Variants in ATRN observed in about 807,000 individuals in gnomAD.
The protein encoded by ATRN is attractin-2.
In ATRN, 54 loss-of-function variants were observed where a neutral mutation model predicts 178.7. The ratio of observed to expected loss-of-function variants is 0.30; its 90% CI spans 0.24 to 0.38. ATRN has a LOEUF of 0.38. ATRN is among the 10% of genes least tolerant of loss of function. ATRN has a pLI of 1.00. For synonymous variants in ATRN, 636 were observed against 663.0 expected (o/e 0.96, Z 0.63); for missense variants, 1,443 against 1,815.1 (o/e 0.79, Z 3.73).
chr20:3,631,869 T>G (rs2086992010), intron 25 of ATRN, among the ~76,000 whole-genome samples: 1 of 152,226 alleles, frequency 6.6e-6, no homozygotes, highest in Admixed American at 6.5e-5. Context: ...ATCAGGATTA[T>G]GCGTGGAAGC....
chr20:3,634,280 G>A (rs373353357), intron 25 of ATRN, 31 bp from the exon 26 acceptor site: 57 of 1,603,836 alleles, frequency 3.6e-5, no homozygotes, highest in Non-Finnish European at 4.5e-5. Flanking sequence ...TGGGGGCTGG[G>A]ATAATAACTC....
At position 3,547,485 on chromosome 20, in the gene ATRN, G is replaced by A. The variant is rs1215760424; in HGVS notation, c.939G>A (p.Trp313Ter). Residue 313 changes from tryptophan (W) to a stop codon, truncating the protein, a stop_gained, in exon 5 of 29, where the codon TGG becomes TGA. Transcript: ENST00000262919. LOFTEE classifies it high-confidence loss of function. ...DVRGCSCFSDWQGPGCSVPVP... is the reference protein window; with the variant it reads ...DVRGCSCFSD ...GAGGATGCTCCTGCTTCTCAGACTG[G>A]CAGGGTAGGAGCTTCTTTCATTTTT... 1 of 1,612,306 alleles carries A rather than the reference G, an allele frequency of 6.2e-7. No individual in the cohort carries two copies. Among genetic ancestry groups the A allele is most frequent in the African/African-American group, 1.3e-5 (1 of 74,884 alleles).
chr20:3,593,385 T>C (rs906650213), intron 19 of ATRN, among the ~76,000 whole-genome samples: 17 of 152,318 alleles, frequency 1.1e-4, no homozygotes, highest in African/African-American at 4.1e-4. Context: ...CTTGAATGCT[T>C]ACTGTGTTTG....
chr20:3,550,953 C>T (rs1044385142), intron 6 of ATRN, among the ~76,000 whole-genome samples: 2 of 152,162 alleles, frequency 1.3e-5, no homozygotes, highest in African/African-American at 4.8e-5. Flanking sequence ...TAACTGCAGC[C>T]CCTCCATAAT....
intron 1 of ATRN, among the ~76,000 whole-genome samples, chr20:3,530,199 G>A (rs2085432284): frequency 6.7e-6 from 1 of 148,586 alleles, no homozygotes; most frequent in Admixed American, 6.7e-5. Context: ...GTGTGGTAGA[G>A]CAGGCATGGT....
chr20:3,562,816 A>G (rs1008108920), intron 9 of ATRN, among the ~76,000 whole-genome samples: 1 of 152,170 alleles, frequency 6.6e-6, no homozygotes, highest in Non-Finnish European at 1.5e-5. Flanking sequence ...AAAAATAATC[A>G]TTTTTAGTAG....
rs777029184 is a variant in ATRN at position 3,560,706 on chromosome 20, T to C, written c.1248T>C (p.Asn416=). The stretch of plus-strand genomic sequence containing the variant: ...GAGGAAAAATTGATTCAACTGGGAA[T>C]GTGACCAATGAGTTGAGAGTTTTTC... ...MYGGKIDSTG[N]VTNELRVFHI... The change falls in exon 8 of 29, where the codon AAT becomes AAC. Residue 416 remains asparagine, a synonymous_variant. Coordinates refer to ENST00000262919, the MANE Select transcript of ATRN (RefSeq NM_139321.3). 1 of 1,613,598 alleles carries C rather than the reference T, an allele frequency of 6.2e-7. No homozygotes were observed. Among genetic ancestry groups the C allele is most frequent in the East Asian group, 2.2e-5 (1 of 44,880 alleles).
intron 22 of ATRN, 87 bp from the exon 23 acceptor site, chr20:3,600,859 A>C: frequency 8.3e-7 from 1 of 1,206,590 alleles, no homozygotes; most frequent in South Asian, 1.5e-5. Flanking sequence ...GTGATTAAGA[A>C]CATTTAGAGG....
intron 1 of ATRN, among the ~76,000 whole-genome samples, chr20:3,505,318 T>C (rs926088088): frequency 2.0e-5 from 3 of 152,108 alleles, no homozygotes; most frequent in African/African-American, 7.3e-5. Flanking sequence ...GCACGAGCAG[T>C]CTCCCAGGTT....
intron 18 of ATRN, 38 bp from the exon 19 acceptor site, chr20:3,591,131 T>C (rs1206540386): frequency 6.5e-7 from 1 of 1,548,548 alleles, no homozygotes; most frequent in African/African-American, 1.4e-5. Context: ...ATGCAGTTCT[T>C]CCATGGTACA....
At chr20:3,530,590 T>G (rs2085440713) in intron 1 of ATRN, among the ~76,000 whole-genome samples, 1 of 151,996 alleles carries the variant, frequency 6.6e-6, no homozygotes, top group Non-Finnish European at 1.5e-5. Flanking sequence ...AGGATTTCAG[T>G]ACATGTTTAT....
chr20:3,629,133 AC>A (rs1418307623), intron 25 of ATRN: 1 of 981,740 alleles, frequency 1.0e-6, no homozygotes, highest in African/African-American at 1.8e-5. Flanking sequence ...CTCCACCTCC[AC>A]TCCCCACCCC....
intron 19 of ATRN, among the ~76,000 whole-genome samples, chr20:3,594,256 AG>A (rs1181295641): frequency 3.3e-5 from 5 of 152,248 alleles, no homozygotes; most frequent in African/African-American, 7.2e-5. Flanking sequence ...AGTGGGTACC[AG>A]CATTCACTTT....
At chr20:3,567,689 C>G (rs1207578291) in intron 11 of ATRN, among the ~76,000 whole-genome samples, 1 of 152,192 alleles carries the variant, frequency 6.6e-6, no homozygotes, top group East Asian at 1.9e-4. Flanking sequence ...GGATCAACAG[C>G]ATTGGGTGAG....
intron 25 of ATRN, among the ~76,000 whole-genome samples, chr20:3,628,169 C>T (rs1568773331): frequency 2.0e-5 from 3 of 151,870 alleles, no homozygotes; most frequent in Non-Finnish European, 2.9e-5. Flanking sequence ...GAGACTCCAT[C>T]TCAAAAAACA....
chr20:3,475,541 G>C (rs238733), intron 1 of ATRN, among the ~76,000 whole-genome samples: 3,135 of 152,290 alleles, frequency 0.021, 86 homozygotes, highest in African/African-American at 0.06. Context: ...TGATTTCTAA[G>C]GCAGTACCAC....
chr20:3,647,910 A>G lies in ATRN; in HGVS notation c.*1063A>G, dbSNP rs2087118784. 1 of 151,140 alleles carries G rather than the reference A, an allele frequency of 6.6e-6. No homozygotes were observed. Among genetic ancestry groups the G allele is most frequent in the Non-Finnish European group, 1.5e-5 (1 of 67,808 alleles). 9.4% of individuals were successfully genotyped at this position (151,140 alleles called of 1,614,324 possible). On this transcript the variant is annotated 3_prime_UTR_variant, in exon 29 of 29. Coordinates refer to ENST00000262919, the MANE Select transcript of ATRN (RefSeq NM_139321.3). ...TGTCAAGAAGGCGCCCCCTGCCCCC[A>G]CCCCCGTGTCACCCTAGGCCTGATA...
chr20:3,489,859 G>T, intron 1 of ATRN: 1 of 1,273,390 alleles, frequency 7.9e-7, no homozygotes, highest in Non-Finnish European at 1.1e-6. Flanking sequence ...AGCCAGTAGG[G>T]AATGCGTTTG....
intron 1 of ATRN, among the ~76,000 whole-genome samples, chr20:3,504,079 G>A (rs188336638): frequency 6.6e-6 from 1 of 152,288 alleles, no homozygotes; most frequent in East Asian, 1.9e-4. Flanking sequence ...CAGTTCAAAT[G>A]ACAGTAGATT....
Sources: gnomAD v4.1 joint callset for allele counts (sites outside exome capture counted in the v4.1 genomes callset) on GRCh38, gnomAD v4.1.1 for gene constraint, MANE v1.5 for transcripts, NCBI Gene and HGNC (gene_info 2026-07-23, HGNC 2026-07-21) for gene names.